CLDN2: variants seen among roughly 807,000 people sequenced by gnomAD.
CLDN2 encodes claudin-2.
A neutral mutation model predicts 8.2 loss-of-function variants in CLDN2; 1 was observed. The ratio of observed to expected loss-of-function variants is 0.12; its 90% CI spans 0.04 to 0.58. The LOEUF is 0.58. Ranked by LOEUF, CLDN2 falls within the 20% of genes least tolerant of loss-of-function variation. CLDN2 has a pLI of 0.90. For synonymous variants in CLDN2, 70 were observed against 70.2 expected, an observed-to-expected ratio of 1.00 and a Z score of 0.01; for missense variants, 108 against 172.9, an observed-to-expected ratio of 0.62 and a Z score of 2.11.
At chrX:106,926,584 C>T (rs991053206) in intron 1 of CLDN2, among the ~76,000 whole-genome samples, 3 of 110,340 alleles carry the variant, frequency 2.7e-5, no homozygotes, top group Admixed American at 9.7e-5. Flanking sequence ...TGGGTTAGTT[C>T]GGGCACGGTG....
intron 1 of CLDN2, among the ~76,000 whole-genome samples, chrX:106,908,267 AT>A (rs1361929629): frequency 9.0e-6 from 1 of 111,594 alleles, no homozygotes; most frequent in Non-Finnish European, 1.9e-5. Flanking sequence ...TGCCCCAGAG[AT>A]TTTTCTAAAA....
In CLDN2 at chrX:106,928,814, G is replaced by C; in HGVS notation, c.586G>C (p.Asp196His). 2.5e-6 allele frequency: 3 copies of C among 1,211,076 alleles called. No individual in the cohort carries two copies. The highest frequency in any genetic ancestry group is 2.3e-4 in the Middle Eastern group (1 of 4,354). ...SSQRNRSNYYDAYQAQPLATR... is the reference protein window; with the variant it reads ...SSQRNRSNYYHAYQAQPLATR... ...CCAGAGAAATCGCTCCAACTACTAC[G>C]ATGCCTACCAAGCCCAACCTCTTGC... is the stretch of plus-strand genomic sequence containing the variant. The change falls in exon 2 of 2, where the codon GAT becomes CAT. Residue 196 changes from aspartate (D) to histidine (H), a missense_variant. Coordinates refer to ENST00000336803, the MANE Select transcript of CLDN2 (RefSeq NM_020384.4).
upstream of CLDN2, among the ~76,000 whole-genome samples, chrX:106,914,618 AT>A (rs756916829): frequency 9.0e-6 from 1 of 111,590 alleles, no homozygotes; most frequent in Admixed American, 9.5e-5. Flanking sequence ...CTTTCTTGCC[AT>A]TTTTTTGTTT....
At chrX:106,916,890 A>C (rs1933317599), upstream of CLDN2, among the ~76,000 whole-genome samples, 1 of 111,698 alleles carries the variant, frequency 9.0e-6, no homozygotes, top group Admixed American at 9.5e-5. Flanking sequence ...TCTACAAAAA[A>C]ATTATAAAAA....
upstream of CLDN2, among the ~76,000 whole-genome samples, chrX:106,916,289 G>A (rs1456081743): frequency 9.0e-6 from 1 of 110,892 alleles, no homozygotes; most frequent in Non-Finnish European, 1.9e-5. Context: ...GCTGAAGGTG[G>A]AGTAGGGCCA....
intron 1 of CLDN2, among the ~76,000 whole-genome samples, chrX:106,903,973 G>A (rs1034133846): frequency 6.2e-5 from 7 of 112,518 alleles, no homozygotes; most frequent in Non-Finnish European, 1.3e-4. Flanking sequence ...TCCAGCCTCA[G>A]CAGTAAGTGG....
At chrX:106,908,845 C>G (rs1051174321) in intron 1 of CLDN2, among the ~76,000 whole-genome samples, 9 of 111,742 alleles carry the variant, frequency 8.1e-5, no homozygotes, top group Non-Finnish European at 1.7e-4. Context: ...CTGGGCCATG[C>G]TGTAAAATAT....
chrX:106,902,593 C>T (rs1258926077), intron 1 of CLDN2, among the ~76,000 whole-genome samples: 1 of 111,752 alleles, frequency 8.9e-6, no homozygotes, highest in African/African-American at 3.3e-5. Flanking sequence ...ATCTTGCCTC[C>T]TACTTCCTGC....
chrX:106,928,731 T>C lies in CLDN2; in HGVS notation c.503T>C (p.Ile168Thr), dbSNP rs770506958. 2 of 1,209,698 alleles carry C rather than the reference T, an allele frequency of 1.7e-6. No individual in the cohort carries two copies. Among genetic ancestry groups the C allele is most frequent in the East Asian group, 3.0e-5 (1 of 33,743 alleles). Reference sequence around the variant, plus strand: ...ATTGGAGAGGCTCTTTACTTGGGCATTATTTCTTCCCTGTTCTCCCTGATA... The same window carrying C: ...ATTGGAGAGGCTCTTTACTTGGGCACTATTTCTTCCCTGTTCTCCCTGATA... ...FEIGEALYLG[I>T]ISSLFSLIAG... The change falls in exon 2 of 2, where the codon ATT becomes ACT. Residue 168 changes from isoleucine (I) to threonine (T), a missense_variant. By Grantham distance (89) the Ile-to-Thr change is moderately conservative (BLOSUM62 -1). Transcript: ENST00000336803.
At chrX:106,925,074 G>A (rs547139343) in intron 1 of CLDN2, among the ~76,000 whole-genome samples, 3 of 111,005 alleles carry the variant, frequency 2.7e-5, no homozygotes, top group South Asian at 7.8e-4. Context: ...GAAGAATGAG[G>A]GTTTAAACAG....
chrX:106,927,031 C>A (rs1337235792), intron 1 of CLDN2, among the ~76,000 whole-genome samples: 1 of 110,844 alleles, frequency 9.0e-6, no homozygotes, highest in Admixed American at 9.6e-5. Flanking sequence ...TGCAATGAGC[C>A]GAGATCATGC....
intron 1 of CLDN2, among the ~76,000 whole-genome samples, chrX:106,927,720 G>T (rs1245483968): frequency 8.9e-6 from 1 of 112,035 alleles, no homozygotes; most frequent in Admixed American, 9.4e-5. Flanking sequence ...TGCAATTGAG[G>T]GGCCCTATGG....
intron 1 of CLDN2, among the ~76,000 whole-genome samples, chrX:106,910,204 A>C (rs1370118817): frequency 9.0e-6 from 1 of 111,152 alleles, no homozygotes; most frequent in Non-Finnish European, 1.9e-5. Context: ...ATCCTGGCTA[A>C]GTAAGCAAAC....
intron 1 of CLDN2, chrX:106,903,405 G>A (rs1933136971): frequency 1.3e-5 from 10 of 788,481 alleles, no homozygotes; most frequent in Non-Finnish European, 1.6e-5. Context: ...ATTCAGGGAG[G>A]ACAGGGGTGG....
intron 1 of CLDN2, among the ~76,000 whole-genome samples, chrX:106,901,273 T>C (rs1395946526): frequency 8.9e-6 from 1 of 112,134 alleles, no homozygotes; most frequent in Non-Finnish European, 1.9e-5. Flanking sequence ...TGGGGGATCA[T>C]TCTTGGGCAT....
chrX:106,900,307 A>T (rs1933070412), exon 1 of CLDN2: 1 of 114,626 alleles, frequency 8.7e-6, no homozygotes, highest in African/African-American at 3.3e-5. Flanking sequence ...ACGGGACTAC[A>T]TGGCCACCTG....
chrX:106,909,523 T>C (rs1443908524), intron 1 of CLDN2, among the ~76,000 whole-genome samples: 1 of 112,187 alleles, frequency 8.9e-6, no homozygotes, highest in Non-Finnish European at 1.9e-5. Flanking sequence ...CCCTCTGGCC[T>C]CTGTCTTGCA....
At chrX:106,916,291 G>A (rs996924290), upstream of CLDN2, among the ~76,000 whole-genome samples, 2 of 110,925 alleles carry the variant, frequency 1.8e-5, no homozygotes, top group African/African-American at 6.6e-5. Flanking sequence ...TGAAGGTGGA[G>A]TAGGGCCAGG....
chrX:106,927,262 A>G (rs1382395755), intron 1 of CLDN2, among the ~76,000 whole-genome samples: 1 of 110,722 alleles, frequency 9.0e-6, no homozygotes, highest in East Asian at 2.9e-4. Context: ...GCAAAGCCCT[A>G]TATTCTAGAG....
Sources: gnomAD v4.1 joint callset for allele counts (sites outside exome capture counted in the v4.1 genomes callset) on GRCh38, gnomAD v4.1.1 for gene constraint, MANE v1.5 for transcripts, NCBI Gene and HGNC (gene_info 2026-07-23, HGNC 2026-07-21) for gene names.